Variants in FAM78B observed in about 807,000 individuals in gnomAD.
FAM78B encodes family with sequence similarity 78 member B.
In FAM78B, 10 loss-of-function variants were observed where a neutral mutation model predicts 20.0. That is an observed-to-expected ratio of 0.50 (90% CI 0.31 to 0.85). FAM78B has a LOEUF of 0.85. Ranked by LOEUF, FAM78B falls within the 40% of genes least tolerant of loss-of-function variation. The probability of loss-of-function intolerance (pLI) is 0.05; values close to 1 mark genes in which losing one functional copy is unlikely to be tolerated. For synonymous variants in FAM78B, 135 were observed against 132.8 expected (o/e 1.02, Z -0.12); for missense variants, 283 against 345.0 (o/e 0.82, Z 1.42).
chr1:166,099,710 C>T lies in FAM78B; in HGVS notation c.264-28947G>A, dbSNP rs567235546. On this transcript the variant is annotated intron_variant, in intron 1 of 1. Coordinates refer to ENST00000354422, the MANE Select transcript of FAM78B (RefSeq NM_001017961.5). ...ATTATATAATGGTAAAAGGCCTCGT[C>T]CAAAAGGAAAATATCACAATTCTAA... 2.0e-5 allele frequency among the ~76,000 whole-genome samples: 3 copies of T among 152,246 alleles called. No individual in the cohort carries two copies. The South Asian group carries it at 6.2e-4, about 32-fold the overall frequency.
chr1:166,061,245 C>T (rs1651585628), intron 2 of FAM78B, among the ~76,000 whole-genome samples: 4 of 152,080 alleles, frequency 2.6e-5, no homozygotes, highest in Admixed American at 2.6e-4. Flanking sequence ...AGTGGGTGAA[C>T]TAAAGTTTTA....
At chr1:166,101,414 C>T (rs1653509296) in intron 1 of FAM78B, among the ~76,000 whole-genome samples, 1 of 152,066 alleles carries the variant, frequency 6.6e-6, no homozygotes, top group Non-Finnish European at 1.5e-5. Context: ...AAGTTTGAAC[C>T]CATGGTGAGG....
chr1:166,101,627 G>A (rs1044910428), intron 1 of FAM78B, among the ~76,000 whole-genome samples: 2 of 152,160 alleles, frequency 1.3e-5, no homozygotes, highest in African/African-American at 4.8e-5. Flanking sequence ...AAGATCAAAC[G>A]AATGAAATGA....
intron 1 of FAM78B, among the ~76,000 whole-genome samples, chr1:166,082,217 C>T (rs1212483448): frequency 6.6e-6 from 1 of 152,210 alleles, no homozygotes; most frequent in Non-Finnish European, 1.5e-5. Flanking sequence ...TTCATCCTCA[C>T]CCCCTCCCTT....
intron 1 of FAM78B, among the ~76,000 whole-genome samples, chr1:166,083,815 T>C (rs1015530514): frequency 5.7e-4 from 86 of 150,928 alleles, no homozygotes; most frequent in African/African-American, 2.0e-3. Flanking sequence ...TTTTTTTTTT[T>C]TTTTTTTTAA....
At chr1:166,108,257 C>T (rs1653865616) in intron 1 of FAM78B, among the ~76,000 whole-genome samples, 1 of 152,128 alleles carries the variant, frequency 6.6e-6, no homozygotes. Context: ...AAGGACTCCT[C>T]CAGAAAGCTC....
intron 1 of FAM78B, among the ~76,000 whole-genome samples, chr1:166,133,681 T>C (rs1016644058): frequency 1.3e-5 from 2 of 152,018 alleles, no homozygotes; most frequent in African/African-American, 4.8e-5. Flanking sequence ...CCAGTGCTAA[T>C]CTTATGCCTA....
chr1:166,137,687 T>C (rs1016815015), intron 1 of FAM78B, among the ~76,000 whole-genome samples: 2 of 152,226 alleles, frequency 1.3e-5, no homozygotes, highest in Non-Finnish European at 2.9e-5. Context: ...TTCCAGAACT[T>C]TGAGTTCTGA....
intron 1 of FAM78B, among the ~76,000 whole-genome samples, chr1:166,086,422 AG>A (rs1652832435): frequency 6.6e-6 from 1 of 152,124 alleles, no homozygotes; most frequent in Admixed American, 6.5e-5. Flanking sequence ...GGGCAGGGTA[AG>A]GGTGGGAAGA....
At chr1:166,105,583 C>T (rs947106077) in intron 1 of FAM78B, among the ~76,000 whole-genome samples, 3 of 152,206 alleles carry the variant, frequency 2.0e-5, no homozygotes, top group Non-Finnish European at 4.4e-5. Context: ...GACATGTATG[C>T]AGCCAACAGA....
downstream of FAM78B, among the ~76,000 whole-genome samples, chr1:166,069,255 G>A (rs1212590979): frequency 1.3e-5 from 2 of 152,008 alleles, no homozygotes; most frequent in South Asian, 2.1e-4. Context: ...ATGCATACAC[G>A]TGTCCATTCC....
rs66539851 is a variant in FAM78B at position 166,149,245 on chromosome 1, TAAACAAAC to T, written c.263+16733_263+16740del. On this transcript the variant is annotated intron_variant, in intron 1 of 1. Transcript: ENST00000354422. The stretch of plus-strand genomic sequence containing the variant: ...TGTACCCTAAAACTTAAAGTATAAT[TAAACAAAC>T]AAACAAACAAACAAACAAACAAAAA... Among the ~76,000 whole-genome samples the T allele has an allele frequency of 6.7e-3, 1,018 of 151,764 alleles. 3 individuals are homozygous for T. Among genetic ancestry groups the T allele is most frequent in the African/African-American group, 0.021 (850 of 41,324 alleles).
At chr1:166,060,875 A>G (rs1651567490) in intron 2 of FAM78B, among the ~76,000 whole-genome samples, 1 of 152,234 alleles carries the variant, frequency 6.6e-6, no homozygotes. Flanking sequence ...TTATTTTAAA[A>G]AGATTAAAAA....
At chr1:166,072,480 G>A (rs543217040) in intron 1 of FAM78B, among the ~76,000 whole-genome samples, 2 of 152,220 alleles carry the variant, frequency 1.3e-5, no homozygotes, top group African/African-American at 2.4e-5. Flanking sequence ...CAGCTGGGGG[G>A]TAGTAGCTCC....
At chr1:166,092,648 C>T (rs564522906) in intron 1 of FAM78B, among the ~76,000 whole-genome samples, 3 of 152,338 alleles carry the variant, frequency 2.0e-5, no homozygotes, top group East Asian at 3.9e-4. Flanking sequence ...ACCCAGAACT[C>T]CAGTCCTGAC....
chr1:166,110,200 C>A (rs963603757), intron 1 of FAM78B, among the ~76,000 whole-genome samples: 3 of 151,396 alleles, frequency 2.0e-5, no homozygotes, highest in African/African-American at 7.3e-5. Flanking sequence ...CAAAATCTCA[C>A]AAATCACCAC....
rs1344714719 is a variant in FAM78B, at chr1:166,166,088, C to T, written c.161G>A (p.Arg54His). 2 of 1,613,452 alleles carry T rather than the reference C, an allele frequency of 1.2e-6. No homozygotes were observed. Among genetic ancestry groups the T allele is most frequent in the African/African-American group, 1.3e-5 (1 of 74,904 alleles). ...YKTPYFKASA[R>H]VVMPPIPRHE... The stretch of plus-strand genomic sequence containing the variant: ...GCGGGGGATGGGGGGCATGACCACG[C>T]GGGCGGAGGCTTTGAAGTAGGGGGT... The change falls in exon 1 of 2, where the codon CGC becomes CAC. Residue 54 changes from arginine (R) to histidine (H), a missense_variant. Coordinates refer to ENST00000354422, the MANE Select transcript of FAM78B (RefSeq NM_001017961.5).
chr1:166,059,483 G>T (rs1651488083), exon 3 of FAM78B: 1 of 152,208 alleles, frequency 6.6e-6, no homozygotes, highest in African/African-American at 2.4e-5. Flanking sequence ...GCTATAATTG[G>T]TTTGGGCAGG....
intron 1 of FAM78B, among the ~76,000 whole-genome samples, chr1:166,150,348 C>G (rs375807698): frequency 6.6e-6 from 1 of 152,172 alleles, no homozygotes; most frequent in South Asian, 2.1e-4. Context: ...AGGCAGCTTG[C>G]TTTGAAAGAC....
Sources: allele counts gnomAD v4.1 joint callset (sites outside exome capture counted in the v4.1 genomes callset), GRCh38; gene constraint gnomAD v4.1.1; transcripts MANE v1.5; gene names NCBI Gene and HGNC (gene_info 2026-07-23, HGNC 2026-07-21).